ADGRL3: variants seen among roughly 807,000 people sequenced by gnomAD.
ADGRL3 encodes the protein calcium-independent alpha-latrotoxin receptor 3.
ADGRL3 carries 62 observed loss-of-function variants against 153.5 expected under a neutral mutation model. That is an observed-to-expected ratio of 0.40 (90% CI 0.33 to 0.50). ADGRL3 has a LOEUF of 0.50. Ranked by LOEUF, ADGRL3 falls within the 20% of genes least tolerant of loss-of-function variation. The pLI, the probability that ADGRL3 is intolerant of heterozygous loss-of-function variation, is 0.47. For synonymous variants in ADGRL3, 710 were observed against 672.5 expected (o/e 1.06, Z -0.86); for missense variants, 1,641 against 1,859.4 (o/e 0.88, Z 2.16).
rs151176349 is a variant in ADGRL3 at position 61,307,263 on chromosome 4, T to C, written c.-239-75861T>C. On this transcript the variant is annotated intron_variant, in intron 1 of 26. Transcript: ENST00000683033. ...ATAATGAAAAATGGTTATTACTACATGATTATGACAATATCTAAAATATTT... is the reference window on the plus strand; with the variant it reads ...ATAATGAAAAATGGTTATTACTACACGATTATGACAATATCTAAAATATTT... Among the ~76,000 whole-genome samples the C allele has an allele frequency of 1.8e-3, 276 of 152,324 alleles. 2 individuals are homozygous for C. Among genetic ancestry groups the C allele is most frequent in the African/African-American group, 6.3e-3 (262 of 41,580 alleles).
Position 61,906,493 on chromosome 4 carries a change from A to G in ADGRL3, c.1888-3067A>G, listed in dbSNP as rs1273416206. 3 of 152,176 alleles carry G rather than the reference A, an allele frequency of 2.0e-5. No individual in the cohort carries two copies. The East Asian group carries it at 5.8e-4, about 29-fold the overall frequency. 9.4% of individuals were successfully genotyped at this position (152,176 alleles called of 1,614,324 possible). A position where few individuals can be genotyped will look rare whatever the true frequency, so the allele number is the denominator to read the frequency against. On this transcript the variant is annotated intron_variant, in intron 11 of 26. Coordinates refer to ENST00000683033, the MANE Select transcript of ADGRL3 (RefSeq NM_001387552.1). ...GTCATAATCCATTTTATTGTTTATC[A>G]TAAACAAGCTGGAATCAACATCCTT...
At position 61,922,450 on chromosome 4, in the gene ADGRL3, ATAAT is replaced by A. The variant is rs1487137823; in HGVS notation, c.2112+9698_2112+9701del. Among the ~76,000 whole-genome samples the A allele has an allele frequency of 2.0e-5, 3 of 152,146 alleles. No individual in the cohort carries two copies. The East Asian group carries it at 5.8e-4, about 29-fold the overall frequency. On this transcript the variant is annotated intron_variant, in intron 13 of 26. Transcript: ENST00000683033. ...CTTACATTAGTATGGTATATTTATA[ATAAT>A]TAATGAACCAATGTTAATATATTAT...
intron 2 of ADGRL3, among the ~76,000 whole-genome samples, chr4:61,462,744 G>A (rs2097838611): frequency 6.6e-6 from 1 of 152,106 alleles, no homozygotes; most frequent in African/African-American, 2.4e-5. Flanking sequence ...AAGTATATTG[G>A]GCAATCAGCC....
chr4:61,940,087 G>A (rs1158139781), intron 15 of ADGRL3, among the ~76,000 whole-genome samples: 10 of 105,984 alleles, frequency 9.4e-5, no homozygotes, highest in African/African-American at 1.5e-4. Context: ...CCCCTCCCCC[G>A]ACCCCACCAC....
chr4:61,952,827 C>T (rs1323118821), intron 17 of ADGRL3, among the ~76,000 whole-genome samples: 1 of 152,134 alleles, frequency 6.6e-6, no homozygotes, highest in Non-Finnish European at 1.5e-5. Flanking sequence ...AACAAAATAT[C>T]ATTTTATGCT....
chr4:61,343,935 C>G (rs1455859603), intron 1 of ADGRL3, among the ~76,000 whole-genome samples: 1 of 152,164 alleles, frequency 6.6e-6, no homozygotes, highest in Non-Finnish European at 1.5e-5. Flanking sequence ...TCTATAACTT[C>G]ACTTTATGTG....
intron 25 of ADGRL3, among the ~76,000 whole-genome samples, chr4:62,049,323 T>C (rs1196267658): frequency 6.6e-6 from 1 of 152,126 alleles, no homozygotes; most frequent in Non-Finnish European, 1.5e-5. Flanking sequence ...GCTAGCATCA[T>C]GGGTTTTTAT....
chr4:61,995,922 G>T (rs1179796316), intron 19 of ADGRL3, among the ~76,000 whole-genome samples: 1 of 152,100 alleles, frequency 6.6e-6, no homozygotes, highest in Non-Finnish European at 1.5e-5. Flanking sequence ...TGATAGACAG[G>T]TTATGTAGCA....
At chr4:61,453,176 A>G (rs767431133) in intron 2 of ADGRL3, among the ~76,000 whole-genome samples, 4 of 152,144 alleles carry the variant, frequency 2.6e-5, no homozygotes, top group Non-Finnish European at 5.9e-5. Flanking sequence ...TGTCTGAAGG[A>G]CACTGAACTT....
intron 5 of ADGRL3, among the ~76,000 whole-genome samples, chr4:61,659,477 CT>C (rs1176185113): frequency 6.6e-6 from 1 of 152,104 alleles, no homozygotes; most frequent in African/African-American, 2.4e-5. Flanking sequence ...ACATGGTAGT[CT>C]TTTAATACAT....
At chr4:61,950,501 G>C (rs1286886230) in intron 17 of ADGRL3, among the ~76,000 whole-genome samples, 1 of 151,852 alleles carries the variant, frequency 6.6e-6, no homozygotes, top group Non-Finnish European at 1.5e-5. Context: ...TGGTAAAAGA[G>C]TTTAGAATTA....
chr4:61,314,455 C>G (rs921795666), intron 1 of ADGRL3, among the ~76,000 whole-genome samples: 2 of 152,240 alleles, frequency 1.3e-5, no homozygotes, highest in South Asian at 4.2e-4. Flanking sequence ...ATGATCCACC[C>G]GCTCGGCCTC....
intron 9 of ADGRL3, among the ~76,000 whole-genome samples, chr4:61,841,464 G>T (rs1212881254): frequency 6.6e-6 from 1 of 152,098 alleles, no homozygotes; most frequent in Admixed American, 6.5e-5. Flanking sequence ...TTCATCAACC[G>T]CTCATTGTAA....
rs1475033056 is a variant in ADGRL3 at position 61,909,598 on chromosome 4, G to C, written c.1926G>C (p.Glu642Asp). ...AAACAGCTGCCAACATTGCTAGAGA[G>C]CTGGCTGAACAGACAAGAAATCACT... is the stretch of plus-strand genomic sequence containing the variant. ...SGETAANIARELAEQTRNHLN... is the reference protein window; with the variant it reads ...SGETAANIARDLAEQTRNHLN... The change falls in exon 12 of 27, where the codon GAG (glutamate) becomes GAC (aspartate). Residue 642 changes from glutamate to aspartate, a missense_variant. This residue lies in a region of ADGRL3 where 734 missense variants were observed against 797.0 expected (regional missense o/e 0.92). Coordinates refer to ENST00000683033, the MANE Select transcript of ADGRL3 (RefSeq NM_001387552.1). 1.2e-6 allele frequency: 2 copies of C among 1,613,502 alleles called. No individual in the cohort carries two copies. The highest frequency in any genetic ancestry group is 1.7e-6 in the Non-Finnish European group (2 of 1,179,698).
intron 13 of ADGRL3, among the ~76,000 whole-genome samples, chr4:61,933,344 C>T (rs1389868577): frequency 6.6e-6 from 1 of 151,280 alleles, no homozygotes; most frequent in African/African-American, 2.4e-5. Context: ...TGGCATTGCC[C>T]TTATAGAGAA....
intron 13 of ADGRL3, among the ~76,000 whole-genome samples, chr4:61,919,419 A>G (rs1434028384): frequency 1.3e-5 from 2 of 152,202 alleles, no homozygotes; most frequent in African/African-American, 2.4e-5. Flanking sequence ...TAAGAGAGAA[A>G]ATATAAATCT....
chr4:61,373,963 C>T lies in ADGRL3; in HGVS notation c.-239-9161C>T, dbSNP rs76703605. ...AATATAAATACTTAAAAGTAATGTCCTCAAAAGGCAGAGTAAAATACCCAC... is the reference window on the plus strand; with the variant it reads ...AATATAAATACTTAAAAGTAATGTCTTCAAAAGGCAGAGTAAAATACCCAC... On this transcript the variant is annotated intron_variant, in intron 1 of 26. Transcript: ENST00000683033. Among the ~76,000 whole-genome samples the T allele has an allele frequency of 4.9e-3, 751 of 152,144 alleles. 6 individuals are homozygous for T. Among genetic ancestry groups the T allele is most frequent in the African/African-American group, 0.017 (695 of 41,494 alleles).
At chr4:61,663,003 T>C (rs771534771) in intron 5 of ADGRL3, among the ~76,000 whole-genome samples, 2 of 152,164 alleles carry the variant, frequency 1.3e-5, no homozygotes, top group Non-Finnish European at 2.9e-5. Context: ...AACTACCCAC[T>C]GTAAGTCTCC....
At chr4:61,442,915 A>G (rs1288567156) in intron 2 of ADGRL3, among the ~76,000 whole-genome samples, 4 of 152,160 alleles carry the variant, frequency 2.6e-5, no homozygotes, top group African/African-American at 9.7e-5. Flanking sequence ...AATGTAAAAC[A>G]TTCTGGTTCA....
Sources: gnomAD v4.1 joint callset for allele counts (sites outside exome capture counted in the v4.1 genomes callset) on GRCh38, gnomAD v4.1.1 for gene constraint, gnomAD v4.1.1 regional missense constraint, MANE v1.5 for transcripts, NCBI Gene and HGNC (gene_info 2026-07-23, HGNC 2026-07-21) for gene names.